Variants in MTUS1 observed in about 807,000 individuals in gnomAD.
MTUS1 encodes microtubule-associated tumor suppressor 1.
A neutral mutation model predicts 120.8 loss-of-function variants in MTUS1; 109 were observed. That is an observed-to-expected ratio of 0.90 (90% CI 0.77 to 1.06). The LOEUF is 1.06. MTUS1 is among the 50% of genes least tolerant of loss of function. The probability of loss-of-function intolerance (pLI) is 0.00; values close to 1 mark genes in which losing one functional copy is unlikely to be tolerated. For missense variants in MTUS1, 2,210 were observed against 1,486.3 expected (o/e 1.49, Z -8.01); for synonymous variants, 737 against 550.5 (o/e 1.34, Z -4.74).
At chr8:17,692,753 G>A (rs572374082) in intron 6 of MTUS1, among the ~76,000 whole-genome samples, 1 of 152,160 alleles carries the variant, frequency 6.6e-6, no homozygotes, top group African/African-American at 2.4e-5. Context: ...GAAATCATCT[G>A]TACAATAAAC....
chr8:17,675,220 T>G lies in MTUS1; in HGVS notation c.2871A>C (p.Leu957=). The change falls in exon 8 of 15, where the codon CTA becomes CTC. Residue 957 remains leucine (L), a synonymous_variant. Coordinates refer to ENST00000693296, the MANE Select transcript of MTUS1 (RefSeq NM_001363059.2). The part of the protein sequence containing the change: ...REEALKQHKT[L]SQELVNLRGE... ...CCCGGAGGTTAACAAGTTCTTGAGA[T>G]AGGGTTTTGTGTTGTTTCAGTGCTT... The G allele has an allele frequency of 1.2e-6, 2 of 1,614,110 alleles. No individual in the cohort carries two copies. The highest frequency in any genetic ancestry group is 2.2e-5 in the South Asian group (2 of 91,066).
chr8:17,710,250 C>T (rs1177409176), intron 6 of MTUS1, among the ~76,000 whole-genome samples: 1 of 152,234 alleles, frequency 6.6e-6, no homozygotes, highest in African/African-American at 2.4e-5. Flanking sequence ...CTTTGTAGCA[C>T]GTGATGCTGT....
At chr8:17,774,517 T>C (rs920095789) in intron 1 of MTUS1, among the ~76,000 whole-genome samples, 1 of 152,212 alleles carries the variant, frequency 6.6e-6, no homozygotes, top group South Asian at 2.1e-4. Context: ...CTCAACATCA[T>C]TAGTCTTTAG....
intron 7 of MTUS1, among the ~76,000 whole-genome samples, chr8:17,675,697 C>T (rs886666670): frequency 5.9e-5 from 9 of 152,110 alleles, no homozygotes; most frequent in South Asian, 2.1e-4. Context: ...AAAAAAGTTT[C>T]GTTACAATGC....
chr8:17,659,158 G>C (rs996703385), intron 8 of MTUS1, among the ~76,000 whole-genome samples: 1 of 152,028 alleles, frequency 6.6e-6, no homozygotes, highest in Admixed American at 6.5e-5. Flanking sequence ...TGAGCAGTCT[G>C]AATTCTGATT....
intron 8 of MTUS1, among the ~76,000 whole-genome samples, chr8:17,661,991 A>G (rs551708673): frequency 2.6e-5 from 4 of 152,320 alleles, no homozygotes; most frequent in African/African-American, 9.6e-5. Flanking sequence ...AAGGATGCAC[A>G]TGTAAACGCT....
intron 13 of MTUS1, 178 bp from the exon 14 acceptor site, chr8:17,647,257 G>C: frequency 3.0e-5 from 16 of 536,984 alleles, no homozygotes; most frequent in East Asian, 3.1e-5. Flanking sequence ...CAGCAAAACA[G>C]AGCGGCTGGG....
chr8:17,753,693 A>C (rs747392465), intron 2 of MTUS1, 24 bp downstream of exon 2: 3 of 1,488,170 alleles, frequency 2.0e-6, no homozygotes, highest in Admixed American at 2.2e-5. Flanking sequence ...TGAAGCATGC[A>C]AAAAATATAT....
chr8:17,797,335 C>G (rs2052324604), intron 1 of MTUS1, among the ~76,000 whole-genome samples: 1 of 152,120 alleles, frequency 6.6e-6, no homozygotes, highest in South Asian at 2.1e-4. Context: ...ATAGCTTGAG[C>G]CTGGGACGTG....
At chr8:17,719,038 T>C (rs1023989060) in intron 4 of MTUS1, among the ~76,000 whole-genome samples, 2 of 151,912 alleles carry the variant, frequency 1.3e-5, no homozygotes, top group African/African-American at 4.8e-5. Context: ...GACGTGGTGG[T>C]AGGCACCTGT....
chr8:17,670,628 G>C (rs187705562), intron 8 of MTUS1, among the ~76,000 whole-genome samples: 1 of 152,096 alleles, frequency 6.6e-6, no homozygotes, highest in African/African-American at 2.4e-5. Flanking sequence ...TTAGAGACCA[G>C]CCTGACCAAT....
At chr8:17,709,775 G>A (rs879219691) in intron 6 of MTUS1, among the ~76,000 whole-genome samples, 5 of 152,046 alleles carry the variant, frequency 3.3e-5, no homozygotes, top group South Asian at 2.1e-4. Flanking sequence ...TTGGGAGGCC[G>A]AGGCAGGTGG....
chr8:17,651,922 A>G (rs1807089410), intron 12 of MTUS1, among the ~76,000 whole-genome samples: 1 of 152,144 alleles, frequency 6.6e-6, no homozygotes, highest in African/African-American at 2.4e-5. Context: ...GAAATCACTG[A>G]CTCTTCCTAA....
At position 17,754,595 on chromosome 8, in the gene MTUS1, C is replaced by T. The variant is rs192275444; in HGVS notation, c.1213G>A (p.Val405Met). 71 of 1,614,184 alleles carry T rather than the reference C, an allele frequency of 4.4e-5. 1 individual carries two copies. The African/African-American group carries it at 7.3e-4, about 17-fold the overall frequency. The change falls in exon 2 of 15, where the codon GTG becomes ATG. Residue 405 changes from valine (V) to methionine (M), a missense_variant. Val to Met is a conservative substitution (Grantham distance 21). Coordinates refer to ENST00000693296, the MANE Select transcript of MTUS1 (RefSeq NM_001363059.2). ...LILSSPPGQK[V>M]GSSFGLTWDA... is the part of the protein sequence containing the mutation. The stretch of plus-strand genomic sequence containing the variant: ...CAAGTCAGTCCAAATGACGAGCCCA[C>T]CTTTTGTCCTGGCGGGCTACTTAGA...
rs761559706 is a variant in MTUS1, at chr8:17,723,761, G to T, written c.2360C>A (p.Ala787Glu). Residue 787 changes from alanine (A) to glutamate (E), a missense_variant, in exon 4 of 15, where the codon GCA becomes GAA. Physicochemically the swap from Ala to Glu is moderately radical, Grantham distance 107. Coordinates refer to ENST00000693296, the MANE Select transcript of MTUS1 (RefSeq NM_001363059.2). Reference sequence around the variant, plus strand: ...CCGCAGCGCAGGACTTTTCAAAGATGCTTTGGATTTAGGAAGTGGTCTAGG... The same window carrying T: ...CCGCAGCGCAGGACTTTTCAAAGATTCTTTGGATTTAGGAAGTGGTCTAGG... ...NLPRPLPKSK[A>E]SLKSPALRRT... 336 of 1,610,160 alleles carry T rather than the reference G, an allele frequency of 2.1e-4. 16 individuals carry two copies. Among genetic ancestry groups the T allele is most frequent in the Non-Finnish European group, 2.8e-4 (326 of 1,177,374 alleles).
chr8:17,674,977 T>C (rs1812785099), intron 8 of MTUS1: 2 of 1,369,872 alleles, frequency 1.5e-6, no homozygotes, highest in Non-Finnish European at 1.9e-6. Context: ...CTAGGCTTAG[T>C]CAGATCAGTG....
rs758952117 is a variant in MTUS1 at position 17,649,975 on chromosome 8, C to A, written c.3385-13G>T. 8.0e-7 allele frequency: 1 copy of A among 1,245,036 alleles called. No individual in the cohort carries two copies. Among genetic ancestry groups the A allele is most frequent in the East Asian group, 2.3e-5 (1 of 43,060 alleles). 77.1% of individuals were successfully genotyped at this position (1,245,036 alleles called of 1,614,324 possible). A position where few individuals can be genotyped will look rare whatever the true frequency, so the allele number is the denominator to read the frequency against. ...TCTGAGGATTTTTCTGGAAAGGACA[C>A]AGCAAGATACTGCTCTTATTCCACA... On this transcript the variant is annotated splice_polypyrimidine_tract_variant and intron_variant, in intron 12 of 14. Transcript: ENST00000693296.
intron 3 of MTUS1, chr8:17,724,257 T>G: frequency 3.4e-6 from 1 of 296,294 alleles, no homozygotes; most frequent in Non-Finnish European, 6.6e-6. Context: ...ATATAAGAAA[T>G]AAATAAGAAC....
At chr8:17,771,073 C>G (rs1229116004) in intron 1 of MTUS1, among the ~76,000 whole-genome samples, 1 of 152,190 alleles carries the variant, frequency 6.6e-6, no homozygotes, top group Non-Finnish European at 1.5e-5. Flanking sequence ...CTACATTAAT[C>G]TGGCTACAAT....
Sources: gnomAD v4.1 joint callset for allele counts (sites outside exome capture counted in the v4.1 genomes callset) on GRCh38, gnomAD v4.1.1 for gene constraint, MANE v1.5 for transcripts, NCBI Gene and HGNC (gene_info 2026-07-23, HGNC 2026-07-21) for gene names.